The following FBXO6 variants were observed in gnomAD, a reference collection of about 807,000 sequenced individuals.
FBXO6 encodes the protein F-box only protein 6.
Under a neutral mutation model 25.0 loss-of-function variants are expected in FBXO6, and 13 were observed. The ratio of observed to expected loss-of-function variants is 0.52; its 90% confidence interval spans 0.34 to 0.83. The LOEUF (loss-of-function observed/expected upper bound fraction) is 0.83, where lower values mean the gene tolerates loss of function less well. Ranked by LOEUF, FBXO6 falls within the 40% of genes least tolerant of loss-of-function variation. The pLI is 0.02. For synonymous variants in FBXO6, 138 were observed against 155.3 expected (o/e 0.89, Z 0.83); for missense variants, 370 against 380.2 (o/e 0.97, Z 0.22).
rs1570282056 is a variant in FBXO6, at chr1:11,674,093, AG to A, written c.*244del. On this transcript the variant is annotated 3_prime_UTR_variant, in exon 6 of 6. Coordinates refer to ENST00000376753, the MANE Select transcript of FBXO6 (RefSeq NM_018438.6). The surrounding 1 kb of genome is among the most constrained non-coding windows in gnomAD (Gnocchi z 6.1). ...ACCGAGGCAGGTGGATCACGAGGTC[AG>A]GAGATAGAGACCATCCTGGCCAACA... The A allele has an allele frequency of 2.2e-6, 1 of 464,874 alleles. No individual in the cohort carries two copies. The highest frequency in any genetic ancestry group is 4.2e-5 in the East Asian group (1 of 23,784). 28.8% of individuals were successfully genotyped at this position (464,874 alleles called of 1,614,324 possible). A position where few individuals can be genotyped will look rare whatever the true frequency, so the allele number is the denominator to read the frequency against.
At chr1:11,672,861 G>T (rs997409029) in intron 4 of FBXO6, among the ~76,000 whole-genome samples, 1 of 152,208 alleles carries the variant, frequency 6.6e-6, no homozygotes, top group East Asian at 1.9e-4. Context: ...CTGCAGGGGG[G>T]AGAGGTGGCT....
At chr1:11,669,095 G>T in intron 2 of FBXO6, 151 bp downstream of exon 2, 1 of 1,102,530 alleles carries the variant, frequency 9.1e-7, no homozygotes, top group Admixed American at 2.7e-5. Flanking sequence ...TCAGGTCTCA[G>T]TTCAGAGACC....
rs752678891 is a variant in FBXO6, at chr1:11,672,002, C to A, written c.488C>A (p.Pro163Gln). 6.2e-7 allele frequency: 1 copy of A among 1,614,138 alleles called. No homozygotes were observed. Among genetic ancestry groups the A allele is most frequent in the Non-Finnish European group, 8.5e-7 (1 of 1,179,974 alleles). ...YWEELLDTFR[P>Q]DIVVKDWFAA... ...GAGGAGCTACTAGACACATTCCGGC[C>A]GGACATCGTGGTTAAGGACTGGTGA... The change falls in exon 4 of 6, where the codon CCG (proline) becomes CAG (glutamine). Residue 163 changes from proline (P) to glutamine (Q), a missense_variant. By Grantham distance (76) the Pro-to-Gln change is moderately conservative. Coordinates refer to ENST00000376753, the MANE Select transcript of FBXO6 (RefSeq NM_018438.6).
Position 11,668,780 on chromosome 1 carries a change from G to A in FBXO6, c.122G>A (p.Cys41Tyr). 1.2e-6 allele frequency: 2 copies of A among 1,614,082 alleles called. No individual in the cohort carries two copies. Among genetic ancestry groups the A allele is most frequent in the Non-Finnish European group, 1.7e-6 (2 of 1,180,028 alleles). Reference protein sequence around the residue: ...RQLLLNCRLVCSLWRDLIDLM... With the variant: ...RQLLLNCRLVYSLWRDLIDLM... ...CTGCTGCTGAACTGCCGCCTGGTCT[G>A]CAGCCTCTGGCGGGACCTCATCGAC... The change falls in exon 2 of 6, where the codon TGC becomes TAC. Residue 41 changes from cysteine to tyrosine, a missense_variant. Transcript: ENST00000376753.
intron 2 of FBXO6, among the ~76,000 whole-genome samples, chr1:11,670,892 A>G (rs938599402): frequency 6.6e-6 from 1 of 152,208 alleles, no homozygotes; most frequent in Admixed American, 6.5e-5. Context: ...GGTAACACGC[A>G]TTCTTTTCTC....
chr1:11,674,033 TG>T lies in FBXO6; in HGVS notation c.*183del, dbSNP rs1235035540. ...TAATAAATGTTTTCAGGCCGGGCAC[TG>T]TGGCTCACGCCTGTAATCCCAGCAC... On this transcript the variant is annotated 3_prime_UTR_variant, in exon 6 of 6. Transcript: ENST00000376753. This position sits in a 1 kb window ranked among gnomAD's most constrained non-coding sequence, Gnocchi z 6.1. 1 of 602,870 alleles carries T rather than the reference TG, an allele frequency of 1.7e-6. No individual in the cohort carries two copies. Among genetic ancestry groups the T allele is most frequent in the East Asian group, 2.9e-5 (1 of 34,674 alleles). The allele number at this position is 602,870 out of a possible 1,614,324, so 37.3% of individuals were successfully genotyped here.
At chr1:11,665,979 T>C (rs932111393) in intron 1 of FBXO6, among the ~76,000 whole-genome samples, 3 of 149,974 alleles carry the variant, frequency 2.0e-5, no homozygotes, top group African/African-American at 7.4e-5. Flanking sequence ...CTTAGAAGAC[T>C]TGGCCACATT....
chr1:11,669,149 C>A (rs1351567775), intron 2 of FBXO6, among the ~76,000 whole-genome samples: 1 of 152,266 alleles, frequency 6.6e-6, no homozygotes, highest in East Asian at 1.9e-4. Context: ...CCACCTCTAG[C>A]ATAGCACCCC....
chr1:11,671,239 T>A (rs1420811163), intron 2 of FBXO6, 27 bp from the exon 3 acceptor site: 1 of 1,607,764 alleles, frequency 6.2e-7, no homozygotes, highest in East Asian at 2.2e-5. Context: ...ACACAGGGGG[T>A]CTCACCTTGG....
intron 1 of FBXO6, among the ~76,000 whole-genome samples, chr1:11,667,432 G>C (rs964863150): frequency 6.6e-6 from 1 of 152,198 alleles, no homozygotes; most frequent in African/African-American, 2.4e-5. Context: ...ACAGTGTTGA[G>C]AGCCGGTTTG....
chr1:11,673,171 T>A lies in FBXO6; in HGVS notation c.510-106T>A. ...GCCTTGCAGGCAGAGCAGTGTCAGC[T>A]GATGGGAGATGAAGCTCCGAGCTCC... On this transcript the variant is annotated intron_variant, in intron 4 of 5. Transcript: ENST00000376753. The surrounding 1 kb of genome is among the most constrained non-coding windows in gnomAD (Gnocchi z 4.3). 2.2e-6 allele frequency: 3 copies of A among 1,385,628 alleles called. No homozygotes were observed. The South Asian group carries it at 4.3e-5, about 20-fold the overall frequency. 85.8% of individuals were successfully genotyped at this position (1,385,628 alleles called of 1,614,324 possible). A position where few individuals can be genotyped will look rare whatever the true frequency, so the allele number is the denominator to read the frequency against.
At position 11,673,999 on chromosome 1, in the gene FBXO6, G is replaced by T; in HGVS notation, c.*148G>T. On this transcript the variant is annotated 3_prime_UTR_variant, in exon 6 of 6. Transcript: ENST00000376753. This position sits in a 1 kb window ranked among gnomAD's most constrained non-coding sequence, Gnocchi z 4.3. ...TAACTTACTGTCACATAGCTCTGAC[G>T]TTTTGTTGTAATAAATGTTTTCAGG... The T allele has an allele frequency of 4.4e-6, 3 of 685,180 alleles. 1 individual carries two copies. The South Asian group carries it at 5.4e-5, about 12-fold the overall frequency. 42.4% of individuals were successfully genotyped at this position (685,180 alleles called of 1,614,324 possible).
chr1:11,672,192 G>C lies in FBXO6; in HGVS notation c.509+169G>C, dbSNP rs535867335. ...GCACCCACACCCTGCGGCACCTCCT[G>C]GCCTCCCCACCACCCTGTGACGTAG... On this transcript the variant is annotated intron_variant, in intron 4 of 5. Transcript: ENST00000376753. The C allele has an allele frequency of 2.9e-5, 18 of 615,574 alleles. No homozygotes were observed. In the African/African-American group the frequency reaches 3.1e-4, roughly 11 times the overall value. 38.1% of individuals were successfully genotyped at this position (615,574 alleles called of 1,614,324 possible). A position where few individuals can be genotyped will look rare whatever the true frequency, so the allele number is the denominator to read the frequency against.
At position 11,671,187 on chromosome 1, in the gene FBXO6, C is replaced by T. The variant is rs116826704; in HGVS notation, c.287-79C>T. ...CACTAACGCCAACCACCCTCCCTCC[C>T]GCCCTCCTGGGACTAAGTGGGGAGG... is the stretch of plus-strand genomic sequence containing the variant. On this transcript the variant is annotated intron_variant, in intron 2 of 5. Coordinates refer to ENST00000376753, the MANE Select transcript of FBXO6 (RefSeq NM_018438.6). 417 of 1,561,462 alleles carry T rather than the reference C, an allele frequency of 2.7e-4. 1 individual carries two copies. The African/African-American group carries it at 4.9e-3, about 18-fold the overall frequency.
In FBXO6 at chr1:11,673,689, G is replaced by A; in HGVS notation, c.720G>A (p.Gln240=). The A allele has an allele frequency of 6.2e-7, 1 of 1,614,128 alleles. No individual in the cohort carries two copies. The highest frequency in any genetic ancestry group is 1.1e-5 in the South Asian group (1 of 91,086). The part of the protein sequence containing the change: ...ILFQHGGRDT[Q]YWAGWYGPRV... ...TCCAGCATGGGGGCAGGGACACCCA[G>A]TACTGGGCAGGCTGGTATGGGCCCC... is the stretch of plus-strand genomic sequence containing the variant. Residue 240 remains glutamine (Q), a synonymous_variant, in exon 6 of 6, where the codon CAG becomes CAA. Coordinates refer to ENST00000376753, the MANE Select transcript of FBXO6 (RefSeq NM_018438.6). This position sits in a 1 kb window ranked among gnomAD's most constrained non-coding sequence, Gnocchi z 4.3.
chr1:11,668,669 C>T lies in FBXO6; in HGVS notation c.11C>T (p.Pro4Leu), dbSNP rs768341299. 4 of 1,611,226 alleles carry T rather than the reference C, an allele frequency of 2.5e-6. No individual in the cohort carries two copies. Among genetic ancestry groups the T allele is most frequent in the Admixed American group, 1.7e-5 (1 of 59,972 alleles). The change falls in exon 2 of 6, where the codon CCC (proline) becomes CTC (leucine). Residue 4 changes from proline to leucine, a missense_variant. By Grantham distance (98) the Pro-to-Leu change is moderately conservative. Transcript: ENST00000376753. MDAPHSKAALDSIN... is the reference protein window; with the variant it reads MDALHSKAALDSIN... ...TTGCCCCCACAGGCCATGGATGCTC[C>T]CCACTCCAAAGCAGCCCTGGACAGC...
chr1:11,667,212 A>G (rs1640465133), intron 1 of FBXO6, among the ~76,000 whole-genome samples: 1 of 151,900 alleles, frequency 6.6e-6, no homozygotes, highest in Admixed American at 6.6e-5. Flanking sequence ...TAGGTGGAGA[A>G]CATTCTCTCC....
At chr1:11,666,784 T>C (rs564452247) in intron 1 of FBXO6, among the ~76,000 whole-genome samples, 4 of 152,296 alleles carry the variant, frequency 2.6e-5, no homozygotes, top group African/African-American at 9.6e-5. Context: ...CCTCCTGTTT[T>C]CTGAGATGGG....
At chr1:11,672,385 C>T (rs910562561) in intron 4 of FBXO6, among the ~76,000 whole-genome samples, 2 of 152,176 alleles carry the variant, frequency 1.3e-5, no homozygotes, top group Non-Finnish European at 2.9e-5. Flanking sequence ...CTCCCATGTT[C>T]AAGCGATTCT....
Sources: gnomAD v4.1 joint callset for allele counts (sites outside exome capture counted in the v4.1 genomes callset) on GRCh38, gnomAD v4.1.1 for gene constraint, Gnocchi (gnomAD v3.1) non-coding constraint, MANE v1.5 for transcripts, NCBI Gene and HGNC (gene_info 2026-07-23, HGNC 2026-07-21) for gene names.